Variants in KCNH1 observed in about 807,000 individuals in gnomAD.
The protein encoded by KCNH1 is voltage-gated delayed rectifier potassium channel KCNH1.
KCNH1 carries 27 observed loss-of-function variants against 69.2 expected under a neutral mutation model. That is an observed-to-expected ratio of 0.39 (90% CI 0.29 to 0.54). The LOEUF (loss-of-function observed/expected upper bound fraction) is 0.54. Ranked by LOEUF, KCNH1 falls within the 20% of genes least tolerant of loss-of-function variation. The pLI is 0.68. For missense variants in KCNH1, 798 were observed against 1,261.6 expected, an observed-to-expected ratio of 0.63 and a Z score of 5.57; for synonymous variants, 456 against 487.7, an observed-to-expected ratio of 0.93 and a Z score of 0.86.
intron 6 of KCNH1, among the ~76,000 whole-genome samples, chr1:210,982,638 A>C (rs1368614750): frequency 6.6e-6 from 1 of 152,166 alleles, no homozygotes. Flanking sequence ...CATGGTGTAT[A>C]TGTGCCACAT....
chr1:210,874,785 G>T (rs142057505), intron 7 of KCNH1, among the ~76,000 whole-genome samples: 3 of 152,078 alleles, frequency 2.0e-5, no homozygotes, highest in African/African-American at 7.2e-5. Flanking sequence ...ATGAAAAAAA[G>T]GAAATATATT....
intron 6 of KCNH1, among the ~76,000 whole-genome samples, chr1:210,945,958 C>T (rs907189977): frequency 1.3e-5 from 2 of 152,122 alleles, no homozygotes; most frequent in African/African-American, 2.4e-5. Context: ...ATTGTTGATG[C>T]CTCACACACT....
intron 5 of KCNH1, among the ~76,000 whole-genome samples, chr1:211,050,258 C>T (rs12759613): frequency 2.8e-5 from 1 of 35,874 alleles, no homozygotes; most frequent in African/African-American, 1.3e-4. Flanking sequence ...CCCACACATT[C>T]TTAAAAAAAA....
chr1:211,088,643 A>G (rs2102471527), intron 4 of KCNH1, among the ~76,000 whole-genome samples: 1 of 152,354 alleles, frequency 6.6e-6, no homozygotes, highest in African/African-American at 2.4e-5. Context: ...TTCAGGAGAC[A>G]TTAAGCGTGG....
chr1:210,998,983 A>G (rs887082975), intron 6 of KCNH1, among the ~76,000 whole-genome samples: 2 of 152,350 alleles, frequency 1.3e-5, no homozygotes, highest in Non-Finnish European at 2.9e-5. Context: ...AAGACACAAC[A>G]TACCAGAATC....
intron 7 of KCNH1, among the ~76,000 whole-genome samples, chr1:210,841,524 G>A (rs1685411203): frequency 6.6e-6 from 1 of 152,276 alleles, no homozygotes; most frequent in African/African-American, 2.4e-5. Context: ...TAGATTAAAT[G>A]TAGATATTCT....
Position 210,683,243 on chromosome 1 carries a change from G to C in KCNH1, c.*38C>G. 1.3e-6 allele frequency: 2 copies of C among 1,585,494 alleles called. No homozygotes were observed. Among genetic ancestry groups the C allele is most frequent in the Non-Finnish European group, 1.7e-6 (2 of 1,165,456 alleles). On this transcript the variant is annotated 3_prime_UTR_variant, in exon 11 of 11. Coordinates refer to ENST00000271751, the MANE Select transcript of KCNH1 (RefSeq NM_172362.3). The surrounding 1 kb of genome is among the most constrained non-coding windows in gnomAD (Gnocchi z 5.7). ...AGGGGTGGTGGTGACGGCAGGGTTG[G>C]AGGTATCTGTCTCTGACTTTTTTTT... is the stretch of plus-strand genomic sequence containing the variant.
intron 9 of KCNH1, among the ~76,000 whole-genome samples, chr1:210,796,475 G>A (rs1365715266): frequency 6.6e-6 from 1 of 152,110 alleles, no homozygotes; most frequent in African/African-American, 2.4e-5. Flanking sequence ...ATAAAGAGCT[G>A]TTGTCTAGCT....
At chr1:210,827,684 T>C (rs1685062006) in intron 7 of KCNH1, among the ~76,000 whole-genome samples, 1 of 152,138 alleles carries the variant, frequency 6.6e-6, no homozygotes, top group African/African-American at 2.4e-5. Context: ...CTCCTTATGT[T>C]AATACCACAA....
intron 9 of KCNH1, among the ~76,000 whole-genome samples, chr1:210,778,105 C>T (rs979254791): frequency 6.6e-6 from 1 of 152,210 alleles, no homozygotes. Flanking sequence ...TGTCAAGAAG[C>T]CATCTTAGTT....
intron 6 of KCNH1, among the ~76,000 whole-genome samples, chr1:210,937,389 A>G (rs559111842): frequency 2.3e-4 from 35 of 152,344 alleles, no homozygotes; most frequent in Admixed American, 1.9e-3. Context: ...CAAGCTGAGC[A>G]TGCCAGAATA....
chr1:211,075,806 C>T (rs767674680), intron 5 of KCNH1, among the ~76,000 whole-genome samples: 8 of 152,208 alleles, frequency 5.3e-5, no homozygotes, highest in South Asian at 2.1e-4. Flanking sequence ...TGCAAGGGAT[C>T]GGGGGATTTC....
intron 6 of KCNH1, among the ~76,000 whole-genome samples, chr1:210,965,509 C>G (rs796214577): frequency 8.5e-5 from 13 of 152,132 alleles, no homozygotes; most frequent in African/African-American, 3.1e-4. Context: ...GCCCACATAG[C>G]CAAGATGATC....
intron 4 of KCNH1, among the ~76,000 whole-genome samples, chr1:211,087,383 T>A (rs566243249): frequency 6.6e-6 from 1 of 152,270 alleles, no homozygotes; most frequent in Admixed American, 6.5e-5. Flanking sequence ...GTGAGCAATA[T>A]AAAGAGAGAA....
At chr1:210,907,087 T>A (rs2102543863) in intron 7 of KCNH1, among the ~76,000 whole-genome samples, 1 of 152,282 alleles carries the variant, frequency 6.6e-6, no homozygotes, top group Admixed American at 6.5e-5. Flanking sequence ...TGACAGATAA[T>A]CAACCATAAA....
chr1:210,683,087 C>G lies in KCNH1; in HGVS notation c.*194G>C. ...CGGTTCAGATGCAGCTGCCACCTTGCAGGGTAGGGGCACGCTACCCTTCCC... is the reference window on the plus strand; with the variant it reads ...CGGTTCAGATGCAGCTGCCACCTTGGAGGGTAGGGGCACGCTACCCTTCCC... On this transcript the variant is annotated 3_prime_UTR_variant, in exon 11 of 11. Transcript: ENST00000271751. The surrounding 1 kb of genome is among the most constrained non-coding windows in gnomAD (Gnocchi z 5.7). The G allele has an allele frequency of 1.5e-6, 1 of 646,318 alleles. No individual in the cohort carries two copies. Among genetic ancestry groups the G allele is most frequent in the Non-Finnish European group, 2.7e-6 (1 of 366,336 alleles). The allele number at this position is 646,318 out of a possible 1,614,324, so 40.0% of individuals were successfully genotyped here. A position where few individuals can be genotyped will look rare whatever the true frequency, so the allele number is the denominator to read the frequency against.
intron 6 of KCNH1, among the ~76,000 whole-genome samples, chr1:211,017,690 G>T (rs1055112848): frequency 6.6e-6 from 1 of 152,130 alleles, no homozygotes; most frequent in African/African-American, 2.4e-5. Flanking sequence ...CAGTCCAGTG[G>T]CCCTTCCTGC....
chr1:210,757,348 G>A (rs775601326), intron 10 of KCNH1, among the ~76,000 whole-genome samples: 14 of 152,184 alleles, frequency 9.2e-5, no homozygotes, highest in Non-Finnish European at 1.9e-4. Flanking sequence ...AGAAGGGACT[G>A]GGTTTCTCTT....
intron 5 of KCNH1, among the ~76,000 whole-genome samples, chr1:211,037,013 G>C (rs1571597549): frequency 6.6e-6 from 1 of 152,182 alleles, no homozygotes; most frequent in African/African-American, 2.4e-5. Context: ...TCATCTTGAA[G>C]ACTGATTCTG....
Sources: gnomAD v4.1 joint callset for allele counts (sites outside exome capture counted in the v4.1 genomes callset) on GRCh38, gnomAD v4.1.1 for gene constraint, Gnocchi (gnomAD v3.1) non-coding constraint, MANE v1.5 for transcripts, NCBI Gene and HGNC (gene_info 2026-07-23, HGNC 2026-07-21) for gene names.